The following NEK10 variants were observed in gnomAD, a reference collection of about 807,000 sequenced individuals.
The protein encoded by NEK10 is serine/threonine-protein kinase Nek10.
In NEK10, 122 loss-of-function variants were observed where a neutral mutation model predicts 159.8. That is an observed-to-expected ratio of 0.76 (90% CI 0.66 to 0.89). The LOEUF is 0.89. NEK10 is among the 40% of genes least tolerant of loss of function. The pLI is 0.00. For missense variants in NEK10, 1,342 were observed against 1,323.1 expected (o/e 1.01, Z -0.22); for synonymous variants, 466 against 457.1 (o/e 1.02, Z -0.25).
intron 1 of NEK10, among the ~76,000 whole-genome samples, chr3:27,365,609 T>TG (rs1257163635): frequency 1.1e-4 from 8 of 75,796 alleles, no homozygotes; most frequent in African/African-American, 4.4e-4. Flanking sequence ...TTTTTTTTTG[T>TG]GTTTTTTTTT....
At chr3:27,266,416 G>T (rs1281300947) in intron 22 of NEK10, among the ~76,000 whole-genome samples, 2 of 152,058 alleles carry the variant, frequency 1.3e-5, no homozygotes, top group African/African-American at 4.8e-5. Context: ...AACTGTTCCT[G>T]CACCATTTGT....
rs193206419 is a variant in NEK10 at position 27,270,794 on chromosome 3, C to T, written c.2014+13808G>A. Among the ~76,000 whole-genome samples the T allele has an allele frequency of 8.5e-5, 13 of 152,146 alleles. No individual in the cohort carries two copies. The East Asian group carries it at 2.3e-3, about 27-fold the overall frequency. On this transcript the variant is annotated intron_variant, in intron 22 of 35. Transcript: ENST00000691995. ...ACTCTACAAAGACGTTTGATAAATACTAAGAATAAAAGCCAAACTACTACA... is the reference window on the plus strand; with the variant it reads ...ACTCTACAAAGACGTTTGATAAATATTAAGAATAAAAGCCAAACTACTACA...
At chr3:27,277,158 C>A (rs1223223745) in intron 22 of NEK10, among the ~76,000 whole-genome samples, 1 of 152,100 alleles carries the variant, frequency 6.6e-6, no homozygotes, top group Non-Finnish European at 1.5e-5. Context: ...GTCTGGAGCT[C>A]TGGCAACCAT....
At chr3:27,210,280 G>A (rs1450001078) in intron 23 of NEK10, among the ~76,000 whole-genome samples, 1 of 152,128 alleles carries the variant, frequency 6.6e-6, no homozygotes, top group East Asian at 1.9e-4. Context: ...GAGGCACCAT[G>A]AGGCATCACA....
intron 1 of NEK10, among the ~76,000 whole-genome samples, chr3:27,367,799 G>A (rs1451462870): frequency 6.6e-6 from 1 of 152,128 alleles, no homozygotes. Context: ...CAGGAGTGTG[G>A]GGGTGCAAAA....
At position 27,126,363 on chromosome 3, in the gene NEK10, T is replaced by C. The variant is rs191404559; in HGVS notation, c.3081+5517A>G. On this transcript the variant is annotated intron_variant, in intron 32 of 35. Coordinates refer to ENST00000691995, the MANE Select transcript of NEK10 (RefSeq NM_001394966.1). Reference sequence around the variant, plus strand: ...CTTATCAAAAGCGTGATCTATAGAATTACAGCATCAGTAACATAAGGGAAC... The same window carrying C: ...CTTATCAAAAGCGTGATCTATAGAACTACAGCATCAGTAACATAAGGGAAC... Among the ~76,000 whole-genome samples, 111 of 152,220 alleles carry C rather than the reference T, an allele frequency of 7.3e-4. 1 individual carries two copies. The highest frequency in any genetic ancestry group is 2.6e-3 in the African/African-American group (107 of 41,542).
At chr3:27,309,803 T>A (rs1274629652) in intron 9 of NEK10, 1 of 152,224 alleles carries the variant, frequency 6.6e-6, no homozygotes, top group Admixed American at 6.5e-5. Context: ...CTAAACAAGA[T>A]ATGAATACTA....
chr3:27,221,762 G>T (rs1473215066), intron 23 of NEK10, among the ~76,000 whole-genome samples: 1 of 152,028 alleles, frequency 6.6e-6, no homozygotes. Context: ...TCACTGCCTG[G>T]TCCCTCCACC....
chr3:27,151,500 C>T (rs1411457874), intron 30 of NEK10, among the ~76,000 whole-genome samples: 3 of 152,176 alleles, frequency 2.0e-5, no homozygotes, highest in African/African-American at 7.2e-5. Flanking sequence ...AAAAGAATCT[C>T]AACAACAGCC....
intron 22 of NEK10, among the ~76,000 whole-genome samples, chr3:27,261,321 T>C (rs2040394296): frequency 1.3e-5 from 2 of 152,252 alleles, no homozygotes; most frequent in Non-Finnish European, 2.9e-5. Context: ...TGTTAGGATG[T>C]CAATTTTAGA....
chr3:27,352,166 C>T (rs1440100264), intron 3 of NEK10, among the ~76,000 whole-genome samples: 1 of 152,014 alleles, frequency 6.6e-6, no homozygotes, highest in African/African-American at 2.4e-5. Context: ...AAAGGTTGGC[C>T]GTTCAGTAAA....
At chr3:27,123,702 A>T (rs1453384352) in intron 32 of NEK10, among the ~76,000 whole-genome samples, 1 of 152,138 alleles carries the variant, frequency 6.6e-6, no homozygotes, top group African/African-American at 2.4e-5. Flanking sequence ...CAGGTTTGTG[A>T]CTTTAGGAGG....
chr3:27,337,518 C>G (rs2046896547), intron 5 of NEK10, among the ~76,000 whole-genome samples: 1 of 151,920 alleles, frequency 6.6e-6, no homozygotes. Flanking sequence ...AAGAACAAAG[C>G]AGGACCCATC....
intron 5 of NEK10, among the ~76,000 whole-genome samples, chr3:27,323,914 T>C (rs776393049): frequency 1.3e-5 from 2 of 152,224 alleles, no homozygotes; most frequent in Non-Finnish European, 2.9e-5. Context: ...AGCTAGCAGC[T>C]ACTCAAATAT....
chr3:27,330,706 T>C (rs2046332065), intron 5 of NEK10, among the ~76,000 whole-genome samples: 2 of 152,078 alleles, frequency 1.3e-5, no homozygotes, highest in African/African-American at 2.4e-5. Context: ...GAGCAGGGGA[T>C]AAAAGACTAT....
chr3:27,273,359 T>C (rs138827735), intron 22 of NEK10, among the ~76,000 whole-genome samples: 9 of 152,286 alleles, frequency 5.9e-5, no homozygotes, highest in South Asian at 2.1e-4. Flanking sequence ...GAGAGAATAG[T>C]AGAGAGAGAC....
chr3:27,301,941 C>T, intron 12 of NEK10, 106 bp from the exon 13 acceptor site: 2 of 827,108 alleles, frequency 2.4e-6, no homozygotes. Flanking sequence ...GTCATGAAGG[C>T]ATCATTATTG....
rs1232254478 is a variant in NEK10 at position 27,141,370 on chromosome 3, G to T, written c.2970+112C>A. 7 of 714,766 alleles carry T rather than the reference G, an allele frequency of 9.8e-6. No homozygotes were observed. In the African/African-American group the frequency reaches 1.2e-4, roughly 13 times the overall value. The allele number at this position is 714,766 out of a possible 1,614,324, so 44.3% of individuals were successfully genotyped here. ...AAGTGTCCCCACATGTATGTAGCTG[G>T]GGAGGATAAGAACAAGAATTCAATC... is the stretch of plus-strand genomic sequence containing the variant. On this transcript the variant is annotated intron_variant, in intron 31 of 35. Transcript: ENST00000691995.
chr3:27,157,410 T>G (rs1383948144), intron 30 of NEK10, among the ~76,000 whole-genome samples: 1 of 152,112 alleles, frequency 6.6e-6, no homozygotes, highest in Non-Finnish European at 1.5e-5. Context: ...ACTTTGAGGG[T>G]TTAAAACTTC....
Sources: allele counts gnomAD v4.1 joint callset (sites outside exome capture counted in the v4.1 genomes callset), GRCh38; gene constraint gnomAD v4.1.1; transcripts MANE v1.5; gene names NCBI Gene and HGNC (gene_info 2026-07-23, HGNC 2026-07-21).